DIP2A: variants seen among roughly 807,000 people sequenced by gnomAD.
DIP2A encodes the protein DIP2 acetate--CoA ligase A.
A neutral mutation model predicts 177.4 loss-of-function variants in DIP2A; 85 were observed. The observed-to-expected ratio is 0.48, with a 90% CI of 0.40 to 0.57. The LOEUF (loss-of-function observed/expected upper bound fraction) is 0.57. Among genes scored for constraint, DIP2A ranks in the 20% least tolerant of loss-of-function variants. The pLI, the probability that DIP2A is intolerant of heterozygous loss-of-function variation, is 0.00. For missense variants in DIP2A, 1,791 were observed against 2,100.2 expected, an observed-to-expected ratio of 0.85 and a Z score of 2.88; for synonymous variants, 886 against 881.8, an observed-to-expected ratio of 1.00 and a Z score of -0.08.
In DIP2A at chr21:46,534,092, G is replaced by A; in HGVS notation, c.1518G>A (p.Gly506=). The A allele has an allele frequency of 6.2e-7, 1 of 1,613,540 alleles. No homozygotes were observed. The highest frequency in any genetic ancestry group is 8.5e-7 in the Non-Finnish European group (1 of 1,179,552). The change falls in exon 12 of 38, where the codon GGG becomes GGA. Residue 506 remains glycine, a synonymous_variant. Transcript: ENST00000417564. Reference sequence around the variant, plus strand: ...GGCACCCTCTGGCCCAGGACACAGGGACTGGGACTGCCTACATTGAGGTAA... The same window carrying A: ...GGCACCCTCTGGCCCAGGACACAGGAACTGGGACTGCCTACATTGAGGTAA... ...KDWHPLAQDT[G]TGTAYIEYKT... is the part of the protein sequence containing the mutation.
intron 8 of DIP2A, among the ~76,000 whole-genome samples, chr21:46,525,071 G>C (rs1189217620): frequency 1.3e-5 from 2 of 151,528 alleles, no homozygotes; most frequent in East Asian, 3.9e-4. Flanking sequence ...ATTTTTAGTA[G>C]AGTCAGGGTT....
intron 8 of DIP2A, among the ~76,000 whole-genome samples, chr21:46,514,631 T>TG (rs2058477328): frequency 7.1e-6 from 1 of 140,478 alleles, no homozygotes; most frequent in Non-Finnish European, 1.5e-5. Flanking sequence ...TTTTTTTTTT[T>TG]TTTTTTTTTG....
chr21:46,557,339 G>T lies in DIP2A; in HGVS notation c.3630-246G>T. ...AAAGTGGCGATCCGTCTCTAGAAGT[G>T]AATGCCTCTGGAGTGGTGTCCCCGG... On this transcript the variant is annotated intron_variant, in intron 30 of 37. Transcript: ENST00000417564. The surrounding 1 kb of genome is among the most constrained non-coding windows in gnomAD (Gnocchi z 6.0). 1.6e-6 allele frequency: 1 copy of T among 627,920 alleles called. No individual in the cohort carries two copies. The highest frequency in any genetic ancestry group is 2.7e-6 in the Non-Finnish European group (1 of 368,382). The allele number at this position is 627,920 out of a possible 1,614,324, so 38.9% of individuals were successfully genotyped here. A position where few individuals can be genotyped will look rare whatever the true frequency, so the allele number is the denominator to read the frequency against.
At chr21:46,467,130 A>G (rs1216101634) in intron 1 of DIP2A, among the ~76,000 whole-genome samples, 1 of 151,804 alleles carries the variant, frequency 6.6e-6, no homozygotes, top group African/African-American at 2.4e-5. Flanking sequence ...TCCTGTCTCT[A>G]CTAAAAATAC....
chr21:46,579,626 G>T, the DIP2A span, among the ~76,000 whole-genome samples: 1 of 152,160 alleles, frequency 6.6e-6, no homozygotes, highest in East Asian at 1.9e-4. Flanking sequence ...TGCTTTAGCT[G>T]CATCCCAGAG....
intron 1 of DIP2A, among the ~76,000 whole-genome samples, chr21:46,482,345 T>C (rs1340869634): frequency 6.6e-6 from 1 of 152,236 alleles, no homozygotes; most frequent in Non-Finnish European, 1.5e-5. Flanking sequence ...TAAAAATTCT[T>C]ACCACCTAGT....
intron 17 of DIP2A, among the ~76,000 whole-genome samples, chr21:46,540,564 T>C (rs1411531996): frequency 6.6e-6 from 1 of 152,210 alleles, no homozygotes; most frequent in East Asian, 1.9e-4. Flanking sequence ...CTTTCCCCTC[T>C]TCTCACCTGC....
intron 1 of DIP2A, among the ~76,000 whole-genome samples, chr21:46,464,400 A>G (rs1428502106): frequency 6.6e-6 from 1 of 152,234 alleles, no homozygotes; most frequent in Non-Finnish European, 1.5e-5. Flanking sequence ...TCTCAAAAAA[A>G]GAAAAACGTT....
At position 46,511,478 on chromosome 21, in the gene DIP2A, G is replaced by A; in HGVS notation, c.966G>A (p.Gly322=). Residue 322 remains glycine (G), a synonymous_variant, in exon 8 of 38, where the codon GGG becomes GGA. Transcript: ENST00000417564. ...PEGSETSVLR[G]EPLTAGVPRP... is the part of the protein sequence containing the mutation. ...GAAGCGAGACGAGTGTGCTGAGAGG[G>A]GAGCCTCTCACTGCAGGTGTCCCCC... The A allele has an allele frequency of 6.2e-7, 1 of 1,613,276 alleles. No homozygotes were observed.
At chr21:46,542,715 C>T (rs765150804) in intron 18 of DIP2A, among the ~76,000 whole-genome samples, 3 of 152,242 alleles carry the variant, frequency 2.0e-5, no homozygotes, top group Non-Finnish European at 2.9e-5. Flanking sequence ...GATGGCCCTT[C>T]TGGGGTTCAC....
rs1601726858 is a variant in DIP2A, at chr21:46,536,458, G to A, written c.1643-766G>A. 5.9e-5 allele frequency among the ~76,000 whole-genome samples: 9 copies of A among 152,360 alleles called. No homozygotes were observed. The South Asian group carries it at 1.9e-3, about 32-fold the overall frequency. On this transcript the variant is annotated intron_variant, in intron 13 of 37. Transcript: ENST00000417564. Reference sequence around the variant, plus strand: ...TTCCGAAGGGTGATGCAAACCACCAGCTCTTACAGAGGGGAGATGCCGGAT... The same window carrying A: ...TTCCGAAGGGTGATGCAAACCACCAACTCTTACAGAGGGGAGATGCCGGAT...
chr21:46,481,907 C>T (rs186604000), intron 1 of DIP2A, among the ~76,000 whole-genome samples: 2 of 152,130 alleles, frequency 1.3e-5, no homozygotes, highest in African/African-American at 4.8e-5. Context: ...AAAAATTAGC[C>T]AGGCGTGGTG....
At chr21:46,495,244 T>TTCTCTTCTCTTCTCTTCTTTCTC (rs2057275285) in intron 3 of DIP2A, among the ~76,000 whole-genome samples, 2 of 38,210 alleles carry the variant, frequency 5.2e-5, no homozygotes, top group African/African-American at 2.3e-4. Flanking sequence ...CTTCTCTTCT[T>TTCTCTTCTCTTCTCTTCTTTCTC]TCTCTCTCTC....
At chr21:46,469,134 A>G (rs2055132806) in intron 1 of DIP2A, 2 of 152,172 alleles carry the variant, frequency 1.3e-5, no homozygotes, top group Admixed American at 6.6e-5. Flanking sequence ...TCTTTTCTAT[A>G]CCATTTTACA....
At chr21:46,497,257 G>A (rs2839292) in intron 4 of DIP2A, 150 bp downstream of exon 4, 748,624 of 927,246 alleles carry the variant, frequency 0.81, 304,176 homozygotes, top group African/African-American at 0.92. Context: ...GCATATGCTC[G>A]TATTCCTTAC....
chr21:46,554,394 A>C, intron 26 of DIP2A, 102 bp downstream of exon 26: 2 of 1,560,178 alleles, frequency 1.3e-6, no homozygotes, highest in Non-Finnish European at 1.7e-6. Context: ...TTCCAAAACT[A>C]AGCTCAGCCC....
intron 5 of DIP2A, among the ~76,000 whole-genome samples, chr21:46,502,523 C>G (rs911754138): frequency 7.3e-6 from 1 of 137,588 alleles, no homozygotes; most frequent in African/African-American, 2.7e-5. Context: ...TCTTGGCTCA[C>G]TGCAACCTCC....
intron 3 of DIP2A, among the ~76,000 whole-genome samples, chr21:46,495,982 G>A (rs917021597): frequency 2.6e-5 from 4 of 151,996 alleles, no homozygotes; most frequent in African/African-American, 9.7e-5. Context: ...TGAGGCAGGA[G>A]AATTGTCTGA....
At chr21:46,559,448 GGGCTCTGC>G (rs748831924) in intron 32 of DIP2A, among the ~76,000 whole-genome samples, 8 of 152,174 alleles carry the variant, frequency 5.3e-5, no homozygotes, top group Non-Finnish European at 1.2e-4. Context: ...GGCAGGGCGG[GGGCTCTGC>G]TCACACCCTC....
Sources: gnomAD v4.1 joint callset for allele counts (sites outside exome capture counted in the v4.1 genomes callset) on GRCh38, gnomAD v4.1.1 for gene constraint, Gnocchi (gnomAD v3.1) non-coding constraint, MANE v1.5 for transcripts, NCBI Gene and HGNC (gene_info 2026-07-23, HGNC 2026-07-21) for gene names.